Variants in NHLRC3 observed in about 807,000 individuals in gnomAD.
NHLRC3 encodes NHL repeat-containing protein 3.
A neutral mutation model predicts 32.0 loss-of-function variants in NHLRC3; 23 were observed. The observed-to-expected ratio is 0.72, with a 90% CI of 0.52 to 1.02. The LOEUF (loss-of-function observed/expected upper bound fraction) is 1.02. NHLRC3 is among the 50% of genes least tolerant of loss of function. The pLI is 0.00. For missense variants in NHLRC3, 407 were observed against 406.8 expected (o/e 1.00, Z -0.01); for synonymous variants, 159 against 147.9 (o/e 1.08, Z -0.55).
In NHLRC3 at chr13:39,039,702, G is replaced by A. The variant is rs374721683; in HGVS notation, c.376G>A (p.Val126Ile). The A allele has an allele frequency of 1.2e-6, 2 of 1,610,302 alleles. No homozygotes were observed. Among genetic ancestry groups the A allele is most frequent in the African/African-American group, 2.7e-5 (2 of 74,848 alleles). ...TGAACAATCCGTCTGGATCACGGAT[G>A]TAGGAAGTGGTATGTATAGTAATAT... ...LYEQSVWITD[V>I]GSGFFGHTVK... Residue 126 changes from valine (V) to isoleucine (I), a missense_variant, in exon 3 of 7, where the codon GTA becomes ATA. Val to Ile is a conservative substitution (Grantham distance 29). Transcript: ENST00000379600.
chr13:39,039,078 C>CAATTTTTT, intron 1 of NHLRC3, 58 bp from the exon 2 acceptor site: 1 of 1,038,070 alleles, frequency 9.6e-7, no homozygotes, highest in Non-Finnish European at 1.4e-6. Flanking sequence ...CCCCCCCGCC[C>CAATTTTTT]TTTTTTTGTT....
chr13:39,044,289 T>G (rs1285272083), intron 5 of NHLRC3, 108 bp downstream of exon 5: 2 of 797,840 alleles, frequency 2.5e-6, no homozygotes, highest in Non-Finnish European at 4.4e-6. Context: ...ATATATAGAT[T>G]GTGGTATACA....
chr13:39,042,413 C>T, intron 4 of NHLRC3, 108 bp downstream of exon 4: 1 of 660,976 alleles, frequency 1.5e-6, no homozygotes, highest in Non-Finnish European at 2.5e-6. Context: ...GTGTAAAGAG[C>T]TAAGTGTATT....
At chr13:39,042,429 G>A (rs1214157477) in intron 4 of NHLRC3, 124 bp downstream of exon 4, 4 of 590,742 alleles carry the variant, frequency 6.8e-6, no homozygotes, top group African/African-American at 3.7e-5. Context: ...GTATTACTAC[G>A]AGAAAACTGA....
intron 3 of NHLRC3, 127 bp from the exon 4 acceptor site, chr13:39,041,978 A>G (rs912581589): frequency 1.0e-5 from 6 of 599,074 alleles, no homozygotes; most frequent in African/African-American, 9.3e-5. Flanking sequence ...ATTATATGTA[A>G]TTTCCTAAGC....
At chr13:39,046,942 G>A (rs1400742488) in intron 5 of NHLRC3, 98 bp from the exon 6 acceptor site, 2 of 814,996 alleles carry the variant, frequency 2.5e-6, no homozygotes, top group East Asian at 2.6e-5. Context: ...ATCCTCTTAA[G>A]TGAGATAATG....
rs1871831135 is a variant in NHLRC3 at position 39,049,683 on chromosome 13, A to G, written c.*1757A>G. On this transcript the variant is annotated 3_prime_UTR_variant, in exon 7 of 7. Transcript: ENST00000379600. ...GATTTGGATAAAAGAAAGTAATTTCAGGGTTTGTTTTTAAGCCAGGACAAG... is the reference window on the plus strand; with the variant it reads ...GATTTGGATAAAAGAAAGTAATTTCGGGGTTTGTTTTTAAGCCAGGACAAG... 1 of 152,252 alleles carries G rather than the reference A, an allele frequency of 6.6e-6. No homozygotes were observed. The highest frequency in any genetic ancestry group is 1.5e-5 in the Non-Finnish European group (1 of 68,036). 9.4% of individuals were successfully genotyped at this position (152,252 alleles called of 1,614,324 possible). A position where few individuals can be genotyped will look rare whatever the true frequency, so the allele number is the denominator to read the frequency against.
At chr13:39,043,982 T>G in intron 4 of NHLRC3, 108 bp from the exon 5 acceptor site, 2 of 784,424 alleles carry the variant, frequency 2.5e-6, no homozygotes, top group Middle Eastern at 2.7e-4. Context: ...CATAGTCAAG[T>G]GAACCAGCGG....
intron 3 of NHLRC3, chr13:39,040,503 T>G (rs987442912): frequency 1.3e-5 from 2 of 152,250 alleles, no homozygotes; most frequent in Admixed American, 6.5e-5. Flanking sequence ...GAAATCTTCC[T>G]GCCATCAAAT....
chr13:39,039,188 A>T lies in NHLRC3; in HGVS notation c.137A>T (p.Tyr46Phe). Residue 46 changes from tyrosine (Y) to phenylalanine (F), a missense_variant, in exon 2 of 7, where the codon TAC (tyrosine) becomes TTC (phenylalanine). Transcript: ENST00000379600. ...TCCTGGAGAACTGAGAAAATTCTTT[A>T]CCGGCTGGATGTGGGTTGGCCTAAG... is the stretch of plus-strand genomic sequence containing the variant. ...AVSWRTEKIL[Y>F]RLDVGWPKHP... The T allele has an allele frequency of 1.2e-6, 2 of 1,612,428 alleles. No individual in the cohort carries two copies. Among genetic ancestry groups the T allele is most frequent in the Non-Finnish European group, 1.7e-6 (2 of 1,179,728 alleles).
At chr13:39,039,067 G>GT in intron 1 of NHLRC3, 69 bp from the exon 2 acceptor site, 1 of 629,256 alleles carries the variant, frequency 1.6e-6, no homozygotes, top group Non-Finnish European at 2.9e-6. Flanking sequence ...CTGTTACCCG[G>GT]CCCCCCCGCC....
chr13:39,049,606 C>T lies in NHLRC3; in HGVS notation c.*1680C>T, dbSNP rs928177112. On this transcript the variant is annotated 3_prime_UTR_variant, in exon 7 of 7. Transcript: ENST00000379600. ...ATTTGCCTTAATTTTGTGTTTATAG[C>T]ATTTATCAAAACGTATCCTCATAGA... The T allele has an allele frequency of 3.3e-5, 5 of 152,164 alleles. No individual in the cohort carries two copies. Among genetic ancestry groups the T allele is most frequent in the African/African-American group, 1.2e-4 (5 of 41,448 alleles). The allele number at this position is 152,164 out of a possible 1,614,324, so 9.4% of individuals were successfully genotyped here.
At chr13:39,039,773 G>A in intron 3 of NHLRC3, 62 bp downstream of exon 3, 1 of 1,196,928 alleles carries the variant, frequency 8.4e-7, no homozygotes, top group African/African-American at 1.5e-5. Flanking sequence ...ACATGTCCTT[G>A]TTTGTATTGT....
rs114880669 is a variant in NHLRC3, at chr13:39,039,066, G to A, written c.85-70G>A. ...TGCTTAAAAATAAGCCCTGTTACCC[G>A]GCCCCCCCGCCCTTTTTTTGTTCTT... On this transcript the variant is annotated intron_variant, in intron 1 of 6. Transcript: ENST00000379600. The A allele has an allele frequency of 6.4e-3, 2,913 of 455,044 alleles. 49 individuals are homozygous for A. The African/African-American group carries it at 0.067, about 10-fold the overall frequency. The allele number at this position is 455,044 out of a possible 1,614,324, so 28.2% of individuals were successfully genotyped here.
intron 5 of NHLRC3, 48 bp downstream of exon 5, chr13:39,044,229 T>TTGTGGGTGGG (rs397951843): frequency 1.5e-5 from 13 of 859,152 alleles, no homozygotes; most frequent in African/African-American, 9.9e-5. Context: ...CTGAATATGT[T>TTGTGGGTGGG]TGTGTGTGTG....
rs746722129 is a variant in NHLRC3, at chr13:39,047,881, A to G, written c.999A>G (p.Gln333=). The G allele has an allele frequency of 6.2e-7, 1 of 1,613,794 alleles. No individual in the cohort carries two copies. The highest frequency in any genetic ancestry group is 1.3e-5 in the African/African-American group (1 of 75,052). ...CAGAAATTGGAGCAAAACAAGTACAAAAATATGTCCCTTTGAATAGCTATG... is the reference window on the plus strand; with the variant it reads ...CAGAAATTGGAGCAAAACAAGTACAGAAATATGTCCCTTTGAATAGCTATG... The part of the protein sequence containing the change: ...YVAEIGAKQV[Q]KYVPLNSYVP... The change falls in exon 7 of 7, where the codon CAA becomes CAG. Residue 333 remains glutamine (Q), a synonymous_variant. Transcript: ENST00000379600.
In NHLRC3 at chr13:39,048,848, T is replaced by C. The variant is rs1871794168; in HGVS notation, c.*922T>C. ...TGTAGAGCTTCCTTCTCTTTTTTTT[T>C]CTTTTTCTTTCTTTTGTTTTACATG... On this transcript the variant is annotated 3_prime_UTR_variant, in exon 7 of 7. Transcript: ENST00000379600. The C allele has an allele frequency of 6.6e-6, 1 of 152,564 alleles. No individual in the cohort carries two copies. Among genetic ancestry groups the C allele is most frequent in the Non-Finnish European group, 1.5e-5 (1 of 68,016 alleles). 9.5% of individuals were successfully genotyped at this position (152,564 alleles called of 1,614,324 possible). A position where few individuals can be genotyped will look rare whatever the true frequency, so the allele number is the denominator to read the frequency against.
chr13:39,038,884 A>C, intron 1 of NHLRC3, 161 bp downstream of exon 1: 1 of 694,966 alleles, frequency 1.4e-6, no homozygotes, highest in South Asian at 1.7e-5. Context: ...TGAGTTTAAA[A>C]ATTTGTGTAT....
chr13:39,039,256 G>C lies in NHLRC3; in HGVS notation c.205G>C (p.Asp69His). ...FTGTTFCVAV[D>H]SLNGLVYIGQ... ...CGGAACAACATTTTGTGTTGCAGTT[G>C]ACTCCCTCAATGGATTGGTTTACAT... The change falls in exon 2 of 7, where the codon GAC becomes CAC. Residue 69 changes from aspartate to histidine, a missense_variant. Asp to His is a moderately conservative substitution (Grantham distance 81, BLOSUM62 -1). Coordinates refer to ENST00000379600, the MANE Select transcript of NHLRC3 (RefSeq NM_001012754.4). 1 of 1,614,028 alleles carries C rather than the reference G, an allele frequency of 6.2e-7. No homozygotes were observed. The highest frequency in any genetic ancestry group is 1.1e-5 in the South Asian group (1 of 91,080).
Sources: allele counts gnomAD v4.1 joint callset, GRCh38; gene constraint gnomAD v4.1.1; transcripts MANE v1.5; gene names NCBI Gene and HGNC (gene_info 2026-07-23, HGNC 2026-07-21).